The following UNC5C variants were observed in gnomAD, a reference collection of about 807,000 sequenced individuals.
UNC5C encodes netrin receptor UNC5C.
In UNC5C, 47 loss-of-function variants were observed where a neutral mutation model predicts 99.8. The ratio of observed to expected loss-of-function variants is 0.47; its 90% CI spans 0.37 to 0.60. The LOEUF (loss-of-function observed/expected upper bound fraction) is 0.60. Ranked by LOEUF, UNC5C falls within the 20% of genes least tolerant of loss-of-function variation. The pLI, the probability that UNC5C is intolerant of heterozygous loss-of-function variation, is 0.00. For synonymous variants in UNC5C, 487 were observed against 452.2 expected (o/e 1.08, Z -0.98); for missense variants, 1,062 against 1,165.9 (o/e 0.91, Z 1.30).
chr4:95,235,601 G>T (rs969730430), intron 7 of UNC5C, among the ~76,000 whole-genome samples: 1 of 152,146 alleles, frequency 6.6e-6, no homozygotes, highest in Non-Finnish European at 1.5e-5. Flanking sequence ...TTCTTCTAGG[G>T]TTTTTATGGT....
At chr4:95,250,094 CT>C (rs1739639300) in intron 5 of UNC5C, among the ~76,000 whole-genome samples, 1 of 152,126 alleles carries the variant, frequency 6.6e-6, no homozygotes, top group East Asian at 1.9e-4. Flanking sequence ...GCTTCCTTCG[CT>C]TTCCTAGAAG....
chr4:95,375,970 G>A (rs538235953), intron 1 of UNC5C, among the ~76,000 whole-genome samples: 7 of 152,002 alleles, frequency 4.6e-5, no homozygotes, highest in South Asian at 4.2e-4. Context: ...GGAGAATGGC[G>A]TGAACCTGGG....
intron 14 of UNC5C, among the ~76,000 whole-genome samples, chr4:95,177,886 T>TTTA (rs1411332290): frequency 6.6e-6 from 1 of 151,366 alleles, no homozygotes; most frequent in Non-Finnish European, 1.5e-5. Context: ...TTTTTTTTTT[T>TTTA]AAGAGATGAT....
chr4:95,493,247 G>A (rs1232910378), intron 1 of UNC5C, among the ~76,000 whole-genome samples: 2 of 151,356 alleles, frequency 1.3e-5, no homozygotes, highest in Non-Finnish European at 1.5e-5. Flanking sequence ...AGTCATAATG[G>A]AATGGAAAGG....
chr4:95,470,958 C>A (rs1747948432), intron 1 of UNC5C, among the ~76,000 whole-genome samples: 2 of 151,740 alleles, frequency 1.3e-5, no homozygotes, highest in Non-Finnish European at 2.9e-5. Context: ...TCATGAGTGT[C>A]AGGATATACT....
chr4:95,255,961 T>C (rs1739963266), intron 4 of UNC5C, among the ~76,000 whole-genome samples: 1 of 152,122 alleles, frequency 6.6e-6, no homozygotes, highest in Admixed American at 6.5e-5. Flanking sequence ...CCTTTCTCTT[T>C]GCTAAATGTG....
rs1391741898 is a variant in UNC5C at position 95,166,060 on chromosome 4, C to T, written c.*3174G>A. On this transcript the variant is annotated 3_prime_UTR_variant, in exon 16 of 16. Coordinates refer to ENST00000453304, the MANE Select transcript of UNC5C (RefSeq NM_003728.4). Reference sequence around the variant, plus strand: ...CTTGAACTCTACAGGTTTTCATTCCCTTCGTCAAACACATTCTAGTGAATA... The same window carrying T: ...CTTGAACTCTACAGGTTTTCATTCCTTTCGTCAAACACATTCTAGTGAATA... 1 of 152,174 alleles carries T rather than the reference C, an allele frequency of 6.6e-6. No individual in the cohort carries two copies. Among genetic ancestry groups the T allele is most frequent in the East Asian group, 1.9e-4 (1 of 5,198 alleles). 9.4% of individuals were successfully genotyped at this position (152,174 alleles called of 1,614,324 possible). A position where few individuals can be genotyped will look rare whatever the true frequency, so the allele number is the denominator to read the frequency against.
chr4:95,357,764 C>T (rs1744259285), intron 1 of UNC5C, among the ~76,000 whole-genome samples: 1 of 152,104 alleles, frequency 6.6e-6, no homozygotes, highest in Non-Finnish European at 1.5e-5. Context: ...GTACTCCATC[C>T]TGGGTGACAG....
chr4:95,278,228 T>A (rs376996256), intron 4 of UNC5C, 31 bp downstream of exon 4: 1 of 1,571,352 alleles, frequency 6.4e-7, no homozygotes, highest in Non-Finnish European at 8.8e-7. Flanking sequence ...TTAGTGCCAA[T>A]TGCTAAATGC....
intron 1 of UNC5C, among the ~76,000 whole-genome samples, chr4:95,429,905 CT>C (rs1746585635): frequency 6.6e-6 from 1 of 152,022 alleles, no homozygotes; most frequent in Non-Finnish European, 1.5e-5. Flanking sequence ...AGAAGCCAAT[CT>C]GAAAAGGCTA....
chr4:95,334,821 AC>A (rs1414072138), intron 2 of UNC5C, among the ~76,000 whole-genome samples: 4 of 151,962 alleles, frequency 2.6e-5, no homozygotes. Flanking sequence ...GGCTACAATT[AC>A]CATTTCTTCT....
At chr4:95,368,213 C>G (rs923036226) in intron 1 of UNC5C, among the ~76,000 whole-genome samples, 1 of 145,638 alleles carries the variant, frequency 6.9e-6, no homozygotes, top group Non-Finnish European at 1.5e-5. Context: ...TTTAGAAAAG[C>G]AAATTCAATA....
At chr4:95,176,456 CT>C (rs1736348581) in intron 14 of UNC5C, among the ~76,000 whole-genome samples, 1 of 152,132 alleles carries the variant, frequency 6.6e-6, no homozygotes, top group South Asian at 2.1e-4. Context: ...AGTTTTCCTT[CT>C]AACAGACAGG....
chr4:95,376,404 T>C (rs550078897), intron 1 of UNC5C, among the ~76,000 whole-genome samples: 1 of 152,230 alleles, frequency 6.6e-6, no homozygotes, highest in South Asian at 2.1e-4. Flanking sequence ...ATTAAAATCG[T>C]TTTCATATTC....
intron 4 of UNC5C, among the ~76,000 whole-genome samples, chr4:95,265,742 C>G (rs1342750398): frequency 6.6e-6 from 1 of 152,052 alleles, no homozygotes; most frequent in Non-Finnish European, 1.5e-5. Context: ...ATAAGGAAAA[C>G]AGTGCTTTGG....
Position 95,169,066 on chromosome 4 carries a change from T to C in UNC5C, c.*168A>G, listed in dbSNP as rs1358030044. 3 of 726,064 alleles carry C rather than the reference T, an allele frequency of 4.1e-6. No individual in the cohort carries two copies. Among genetic ancestry groups the C allele is most frequent in the Middle Eastern group, 4.0e-4 (1 of 2,494 alleles). The allele number at this position is 726,064 out of a possible 1,614,324, so 45.0% of individuals were successfully genotyped here. A position where few individuals can be genotyped will look rare whatever the true frequency, so the allele number is the denominator to read the frequency against. ...CTCCCGTGATGATGTCCGAGTAAAG[T>C]GGGCATGTACATGGGCAGTTGTATC... On this transcript the variant is annotated 3_prime_UTR_variant, in exon 16 of 16. Coordinates refer to ENST00000453304, the MANE Select transcript of UNC5C (RefSeq NM_003728.4).
intron 1 of UNC5C, among the ~76,000 whole-genome samples, chr4:95,410,240 T>C (rs1430022661): frequency 2.0e-5 from 3 of 152,150 alleles, no homozygotes; most frequent in African/African-American, 7.2e-5. Flanking sequence ...TAATTATATC[T>C]GCATGTTCCT....
At chr4:95,418,760 T>C (rs750204191) in intron 1 of UNC5C, among the ~76,000 whole-genome samples, 2 of 152,152 alleles carry the variant, frequency 1.3e-5, no homozygotes, top group African/African-American at 2.4e-5. Flanking sequence ...TAAAAAAATA[T>C]CCAACTTTCT....
At chr4:95,264,348 G>A (rs1005788491) in intron 4 of UNC5C, among the ~76,000 whole-genome samples, 1 of 152,118 alleles carries the variant, frequency 6.6e-6, no homozygotes, top group Non-Finnish European at 1.5e-5. Context: ...TTCACTCACT[G>A]GTAACTTTCT....
Sources: gnomAD v4.1 joint callset for allele counts (sites outside exome capture counted in the v4.1 genomes callset) on GRCh38, gnomAD v4.1.1 for gene constraint, MANE v1.5 for transcripts, NCBI Gene and HGNC (gene_info 2026-07-23, HGNC 2026-07-21) for gene names.